Variants in PPP2R2D observed in about 807,000 individuals in gnomAD.
PPP2R2D encodes the protein serine/threonine-protein phosphatase 2A 55 kDa regulatory subunit B delta isoform.
PPP2R2D carries 9 observed loss-of-function variants against 31.1 expected under a neutral mutation model. The ratio of observed to expected loss-of-function variants is 0.29; its 90% confidence interval spans 0.17 to 0.51. The LOEUF is 0.51. Ranked by LOEUF, PPP2R2D falls within the 20% of genes least tolerant of loss-of-function variation. PPP2R2D has a pLI of 0.98. For missense variants in PPP2R2D, 391 were observed against 465.6 expected (o/e 0.84, Z 1.48); for synonymous variants, 179 against 172.6 (o/e 1.04, Z -0.29).
chr10:131,917,997 C>T, intron 2 of PPP2R2D, among the ~76,000 whole-genome samples: 1 of 135,686 alleles, frequency 7.4e-6, no homozygotes, highest in African/African-American at 2.8e-5. Flanking sequence ...TTTGCAGGGA[C>T]CTCACGTGGG....
chr10:131,939,562 T>C (rs2036402592), intron 3 of PPP2R2D, among the ~76,000 whole-genome samples: 1 of 142,794 alleles, frequency 7.0e-6, no homozygotes, highest in Non-Finnish European at 1.5e-5. Context: ...TACGGCAGGC[T>C]GTATTTGGCA....
intron 2 of PPP2R2D, among the ~76,000 whole-genome samples, chr10:131,915,279 G>A (rs1554892918): frequency 1.1e-4 from 16 of 152,188 alleles, no homozygotes; most frequent in Admixed American, 9.8e-4. Context: ...GTTTGTAAAC[G>A]TTCCTGGCTT....
At chr10:131,943,231 C>A (rs1438670293) in intron 5 of PPP2R2D, among the ~76,000 whole-genome samples, 2 of 152,170 alleles carry the variant, frequency 1.3e-5, no homozygotes, top group Admixed American at 1.3e-4. Context: ...TCTGTCCTTT[C>A]TATTTCTGTG....
chr10:131,960,011 G>T (rs2036900635), downstream of PPP2R2D, among the ~76,000 whole-genome samples: 1 of 152,220 alleles, frequency 6.6e-6, no homozygotes, highest in Non-Finnish European at 1.5e-5. Flanking sequence ...CTTGAGGTCT[G>T]CGGCGCACGT....
At chr10:131,909,185 C>T (rs1428644210) in intron 2 of PPP2R2D, among the ~76,000 whole-genome samples, 1 of 152,102 alleles carries the variant, frequency 6.6e-6, no homozygotes, top group African/African-American at 2.4e-5. Context: ...TCTGAGAGGT[C>T]AGTGCTTGGC....
At chr10:131,968,666 G>C in the PPP2R2D span, 1 of 1,050,590 alleles carries the variant, frequency 9.5e-7, no homozygotes, top group Non-Finnish European at 1.5e-6. Flanking sequence ...TAGAGCTTAT[G>C]CAAGGGGACT....
intron 2 of PPP2R2D, among the ~76,000 whole-genome samples, chr10:131,913,690 C>A (rs947257394): frequency 6.6e-5 from 10 of 152,272 alleles, no homozygotes; most frequent in Non-Finnish European, 1.0e-4. Context: ...AGTACACTTA[C>A]CAAGCCCAGG....
rs7894 is a variant in PPP2R2D at position 131,955,978 on chromosome 10, G to C, written c.*15G>C. The C allele has an allele frequency of 0.26, 383,102 of 1,469,782 alleles. 51,652 individuals are homozygous for C. Among genetic ancestry groups the C allele is most frequent in the East Asian group, 0.49 (19,164 of 39,296 alleles). 91.0% of individuals were successfully genotyped at this position (1,469,782 alleles called of 1,614,324 possible). ...AAATCAACTAGAGACGCGAACGTGA[G>C]GACCAAGTCTTGTCTTGCATAGTTA... is the stretch of plus-strand genomic sequence containing the variant. On this transcript the variant is annotated 3_prime_UTR_variant, in exon 9 of 9. Coordinates refer to ENST00000455566, the MANE Select transcript of PPP2R2D (RefSeq NM_018461.5).
chr10:131,946,312 C>T (rs1344092329), intron 7 of PPP2R2D, among the ~76,000 whole-genome samples: 2 of 152,196 alleles, frequency 1.3e-5, no homozygotes, highest in African/African-American at 4.8e-5. Context: ...GTCAGCGTGT[C>T]CCAGTGTCCT....
At chr10:131,914,533 G>A (rs1371416227) in intron 2 of PPP2R2D, among the ~76,000 whole-genome samples, 1 of 152,164 alleles carries the variant, frequency 6.6e-6, no homozygotes, top group African/African-American at 2.4e-5. Flanking sequence ...CAGGAAATAG[G>A]CCAGCATTTC....
chr10:131,944,561 C>G (rs782040483), intron 6 of PPP2R2D, among the ~76,000 whole-genome samples: 3 of 152,294 alleles, frequency 2.0e-5, no homozygotes, highest in East Asian at 3.9e-4. Context: ...TCTTCTGTGG[C>G]TGTGCACAGT....
chr10:131,933,805 G>A (rs185890027), intron 2 of PPP2R2D, among the ~76,000 whole-genome samples: 1 of 152,210 alleles, frequency 6.6e-6, no homozygotes, highest in Admixed American at 6.5e-5. Context: ...TAGTGGTGGT[G>A]TTCCTTCTGC....
chr10:131,940,236 T>A, intron 4 of PPP2R2D, 40 bp downstream of exon 4: 1 of 614,544 alleles, frequency 1.6e-6, no homozygotes. Flanking sequence ...ATTTAGTTTT[T>A]TATTTTTAAT....
chr10:131,962,811 C>T (rs1315488075), downstream of PPP2R2D, among the ~76,000 whole-genome samples: 4 of 152,212 alleles, frequency 2.6e-5, no homozygotes, highest in African/African-American at 9.6e-5. Flanking sequence ...GAGGTGGCTG[C>T]ACTTCCGCCG....
chr10:131,930,312 C>T (rs1318891213), intron 2 of PPP2R2D, among the ~76,000 whole-genome samples: 4 of 152,210 alleles, frequency 2.6e-5, no homozygotes, highest in Non-Finnish European at 4.4e-5. Flanking sequence ...AGACCAGTCT[C>T]CCTGGCCTGA....
At chr10:131,955,643 C>G (rs1391439036) in intron 8 of PPP2R2D, 41 bp from the exon 9 acceptor site, 1 of 1,360,288 alleles carries the variant, frequency 7.4e-7, no homozygotes, top group Non-Finnish European at 9.5e-7. Context: ...CTGCCGCTCC[C>G]CCCACTGAGG....
intron 2 of PPP2R2D, among the ~76,000 whole-genome samples, chr10:131,914,426 G>A (rs894241634): frequency 1.3e-5 from 2 of 152,214 alleles, no homozygotes; most frequent in Admixed American, 6.5e-5. Flanking sequence ...TCTGGAAGGA[G>A]TGTCTGTACA....
chr10:131,937,023 A>G (rs955152065), intron 3 of PPP2R2D, among the ~76,000 whole-genome samples: 2 of 152,224 alleles, frequency 1.3e-5, no homozygotes, highest in Non-Finnish European at 2.9e-5. Flanking sequence ...GCTGCTGCCC[A>G]TCAAGCGACC....
At chr10:131,940,232 TTTTTTA>T (rs782322869) in intron 4 of PPP2R2D, 36 bp downstream of exon 4, 2 of 622,782 alleles carry the variant, frequency 3.2e-6, no homozygotes, top group East Asian at 5.2e-5. Flanking sequence ...TTTGATTTAG[TTTTTTA>T]TTTTTAATTT....
Sources: allele counts gnomAD v4.1 joint callset (sites outside exome capture counted in the v4.1 genomes callset), GRCh38; gene constraint gnomAD v4.1.1; transcripts MANE v1.5; gene names NCBI Gene and HGNC (gene_info 2026-07-23, HGNC 2026-07-21).